Variants in WDR90 observed in about 807,000 individuals in gnomAD.
The protein encoded by WDR90 is WD repeat domain 90, also known as WD repeat-containing protein 90.
A neutral mutation model predicts 195.2 loss-of-function variants in WDR90; 238 were observed. The observed-to-expected ratio is 1.22, with a 90% CI of 1.10 to 1.36. The LOEUF (loss-of-function observed/expected upper bound fraction) is 1.36, where lower values mean the gene tolerates loss of function less well. Ranked by LOEUF, WDR90 falls within the 40% of genes most tolerant of loss-of-function variation. WDR90 has a pLI of 0.00. For synonymous variants in WDR90, 1,265 were observed against 1,052.4 expected, an observed-to-expected ratio of 1.20 and a Z score of -3.91; for missense variants, 2,734 against 2,439.5, an observed-to-expected ratio of 1.12 and a Z score of -2.54.
At chr16:664,073 G>A (rs771364568) in intron 34 of WDR90, among the ~76,000 whole-genome samples, 1 of 152,212 alleles carries the variant, frequency 6.6e-6, no homozygotes, top group African/African-American at 2.4e-5. Context: ...AGACAGGTGA[G>A]GGTTGTTTAC....
intron 28 of WDR90, 130 bp from the exon 29 acceptor site, chr16:660,921 C>G (rs921051736): frequency 4.3e-6 from 3 of 694,232 alleles, no homozygotes; most frequent in East Asian, 6.7e-5. Context: ...GCAGCTGGGA[C>G]GATGCTAACC....
chr16:662,258 A>G lies in WDR90; in HGVS notation c.4072A>G (p.Ser1358Gly), dbSNP rs755067698. The G allele has an allele frequency of 1.8e-5, 28 of 1,585,204 alleles. No homozygotes were observed. Among genetic ancestry groups the G allele is most frequent in the African/African-American group, 2.7e-5 (2 of 74,504 alleles). ...CTCGGGTTCTCGATTGGTCAGCGGC[A>G]GCAGCACGGGGCGGCTGCGCCTGTG... ...LFSGSRLVSG[S>G]STGRLRLWAV... Residue 1358 changes from serine (S) to glycine (G), a missense_variant, in exon 33 of 41, where the codon AGC becomes GGC. Transcript: ENST00000293879.
At chr16:660,229 A>C (rs2037867006) in intron 27 of WDR90, 68 bp downstream of exon 27, 11 of 1,373,542 alleles carry the variant, frequency 8.0e-6, no homozygotes, top group Non-Finnish European at 1.1e-5. Context: ...AGGGCTCCCC[A>C]GCACCTCCTC....
Position 661,920 on chromosome 16 carries a change from G to C in WDR90, c.3894G>C (p.Val1298=). The C allele has an allele frequency of 6.2e-7, 1 of 1,609,758 alleles. No homozygotes were observed. Among genetic ancestry groups the C allele is most frequent in the Non-Finnish European group, 8.5e-7 (1 of 1,179,560 alleles). The change falls in exon 32 of 41, where the codon GTG becomes GTC. Residue 1298 remains valine, a synonymous_variant. Coordinates refer to ENST00000293879, the MANE Select transcript of WDR90 (RefSeq NM_145294.5). ...GTCGAGAGCCAGTCCCAGAGGCAGT[G>C]GGGGCTGGAGAGCTGACCTCGCTCT... is the stretch of plus-strand genomic sequence containing the variant. ...QVRREPVPEA[V]GAGELTSLCY...
chr16:662,143 C>G, intron 32 of WDR90, 77 bp from the exon 33 acceptor site: 2 of 1,538,632 alleles, frequency 1.3e-6, no homozygotes, highest in Non-Finnish European at 1.7e-6. Context: ...ATCTGTAGCC[C>G]TGGCGTCCGG....
At chr16:653,275 A>T (rs970709377) in intron 10 of WDR90, 66 bp from the exon 11 acceptor site, 43 of 1,346,728 alleles carry the variant, frequency 3.2e-5, no homozygotes, top group Non-Finnish European at 3.9e-5. Context: ...GGTGAGGCTG[A>T]CCTCCCGGCA....
chr16:667,249 G>A (rs530603210), intron 40 of WDR90, among the ~76,000 whole-genome samples, 183 bp from the exon 41 acceptor site: 5 of 152,206 alleles, frequency 3.3e-5, no homozygotes, highest in Non-Finnish European at 7.3e-5. Context: ...GCTGCAGGCC[G>A]ACAGCCTGGC....
Position 665,689 on chromosome 16 carries a change from T to C in WDR90, c.4322T>C (p.Val1441Ala). 3 of 1,612,606 alleles carry C rather than the reference T, an allele frequency of 1.9e-6. No individual in the cohort carries two copies. Among genetic ancestry groups the C allele is most frequent in the Non-Finnish European group, 2.5e-6 (3 of 1,179,874 alleles). The change falls in exon 35 of 41, where the codon GTG (valine) becomes GCG (alanine). Residue 1441 changes from valine (V) to alanine (A), a missense_variant. Transcript: ENST00000293879. The stretch of plus-strand genomic sequence containing the variant: ...TACGGCTTCCCCCAGGTGAACGAGG[T>C]GGTCTTCAGCCCCGGGGAGTCCCAC... ...ISGHRSKVNE[V>A]VFSPGESHCA...
At chr16:660,582 C>G (rs1226573416) in intron 27 of WDR90, 30 bp from the exon 28 acceptor site, 1 of 1,550,642 alleles carries the variant, frequency 6.4e-7, no homozygotes, top group South Asian at 1.2e-5. Context: ...ATGCTGGGCC[C>G]CAGCAGCATC....
intron 13 of WDR90, 93 bp from the exon 14 acceptor site, chr16:654,936 A>G (rs2037717268): frequency 1.6e-6 from 2 of 1,282,738 alleles, no homozygotes; most frequent in Admixed American, 1.9e-5. Context: ...CATGAGAGAA[A>G]AGCCACCTCC....
At position 667,231 on chromosome 16, in the gene WDR90, C is replaced by A. The variant is rs111924337; in HGVS notation, c.5090-201C>A. Among the ~76,000 whole-genome samples the A allele has an allele frequency of 3.3e-3, 508 of 152,330 alleles. 6 individuals are homozygous for A. Among genetic ancestry groups the A allele is most frequent in the African/African-American group, 0.012 (484 of 41,558 alleles). On this transcript the variant is annotated intron_variant, in intron 40 of 40. Transcript: ENST00000293879. ...GTGGCAGCGACTTTTAAGGAGGGAA[C>A]TGGCCCAGCTGCAGGCCGACAGCCT...
Position 651,825 on chromosome 16 carries a change from A to G in WDR90, c.841-2A>G. On this transcript the variant is annotated splice_acceptor_variant, in intron 8 of 40. Transcript: ENST00000293879. LOFTEE classifies it high-confidence loss of function. ...CGCTGATGGGCACTTGTCCCCCAGC[A>G]GTCCGGCCGGGCCGCCTTGGCACCC... The G allele has an allele frequency of 6.2e-7, 1 of 1,610,676 alleles. No individual in the cohort carries two copies. The highest frequency in any genetic ancestry group is 8.5e-7 in the Non-Finnish European group (1 of 1,179,544).
In WDR90 at chr16:658,600, G is replaced by C. The variant is rs572223867; in HGVS notation, c.2842G>C (p.Gly948Arg). Residue 948 changes from glycine (G) to arginine (R), a missense_variant, in exon 23 of 41, where the codon GGC becomes CGC. Transcript: ENST00000293879. ...CGCCCGCTTCCTGCTGATTGCCGCC[G>C]GCCGGACCATCAAGGTGTGGGACTA... ...EDARFLLIAA[G>R]RTIKVWDYAT... The C allele has an allele frequency of 6.2e-7, 1 of 1,612,668 alleles. No homozygotes were observed. Among genetic ancestry groups the C allele is most frequent in the Non-Finnish European group, 8.5e-7 (1 of 1,179,898 alleles).
Position 666,576 on chromosome 16 carries a change from T to A in WDR90, c.4862T>A (p.Phe1621Tyr). The change falls in exon 38 of 41, where the codon TTC becomes TAC. Residue 1621 changes from phenylalanine (F) to tyrosine (Y), a missense_variant. Transcript: ENST00000293879. Reference sequence around the variant, plus strand: ...TGTGAGCTTGTGGACTGGTTGAGTTTCCCAATGCCTGCCACCACGGAGGTA... The same window carrying A: ...TGTGAGCTTGTGGACTGGTTGAGTTACCCAATGCCTGCCACCACGGAGGTA... ...NHCELVDWLS[F>Y]PMPATTETQG... The A allele has an allele frequency of 6.2e-7, 1 of 1,612,636 alleles. No homozygotes were observed. The highest frequency in any genetic ancestry group is 2.2e-5 in the East Asian group (1 of 44,874).
In WDR90 at chr16:655,477, C is replaced by A; in HGVS notation, c.1718+9C>A. On this transcript the variant is annotated intron_variant, in intron 15 of 40. Coordinates refer to ENST00000293879, the MANE Select transcript of WDR90 (RefSeq NM_145294.5). ...CCCTCGGCTGCCATGCTGTGAGTCC[C>A]TGCCCTTCCCCACGGCCTGCCCCGG... 6.5e-7 allele frequency: 1 copy of A among 1,528,200 alleles called. No homozygotes were observed. The highest frequency in any genetic ancestry group is 8.8e-7 in the Non-Finnish European group (1 of 1,137,876). 94.7% of individuals were successfully genotyped at this position (1,528,200 alleles called of 1,614,324 possible).
intron 7 of WDR90, 36 bp from the exon 8 acceptor site, chr16:651,608 G>T: frequency 6.3e-7 from 1 of 1,599,304 alleles, no homozygotes; most frequent in Non-Finnish European, 8.5e-7. Flanking sequence ...TGCACAGCTG[G>T]CCCCTGGGTC....
In WDR90 at chr16:653,672, T is replaced by G. The variant is rs1454010061; in HGVS notation, c.1379+2T>G. ...AATGCACGTTGTCTGCTCTCTCAGG[T>G]GAGCACAGGTCTGCCCCATGCAGGG... On this transcript the variant is annotated splice_donor_variant, in intron 12 of 40. Coordinates refer to ENST00000293879, the MANE Select transcript of WDR90 (RefSeq NM_145294.5). LOFTEE classifies it high-confidence loss of function. 6.2e-7 allele frequency: 1 copy of G among 1,613,376 alleles called. No individual in the cohort carries two copies. The highest frequency in any genetic ancestry group is 1.7e-5 in the Admixed American group (1 of 60,026).
rs776317224 is a variant in WDR90, at chr16:650,610, GT to G, written c.461del (p.Val154AlafsTer3). 1 of 1,612,780 alleles carries G rather than the reference GT, an allele frequency of 6.2e-7. No individual in the cohort carries two copies. The highest frequency in any genetic ancestry group is 2.2e-5 in the East Asian group (1 of 44,876). ...GCTCGATCTGCAGGACGTTCTCCTGGTCTACCTGAACCGGTGCTACGGCCAT... is the reference window on the plus strand; with the variant it reads ...GCTCGATCTGCAGGACGTTCTCCTGGCTACCTGAACCGGTGCTACGGCCAT... ...LQLDLQDVLL[V>X]YLNRCYGHLK... is the part of the protein sequence containing the mutation. On this transcript the variant is annotated frameshift_variant, in exon 5 of 41. Transcript: ENST00000293879. LOFTEE classifies it high-confidence loss of function.
At position 650,707 on chromosome 16, in the gene WDR90, C is replaced by G; in HGVS notation, c.557C>G (p.Pro186Arg). ...TACACCAGTGACCTGTGCTTTGAGC[C>G]TGGTGAGGGCCGCACCTGCACTCCC... The part of the protein sequence containing the change: ...NLYTSDLCFE[P>R]AISGAQWAKL... The change falls in exon 5 of 41, where the codon CCT (proline) becomes CGT (arginine). Residue 186 changes from proline (P) to arginine (R), a missense_variant and splice_region_variant. Coordinates refer to ENST00000293879, the MANE Select transcript of WDR90 (RefSeq NM_145294.5). 6.2e-7 allele frequency: 1 copy of G among 1,605,412 alleles called. No individual in the cohort carries two copies. Among genetic ancestry groups the G allele is most frequent in the East Asian group, 2.2e-5 (1 of 44,562 alleles).
Sources: gnomAD v4.1 joint callset for allele counts (sites outside exome capture counted in the v4.1 genomes callset) on GRCh38, gnomAD v4.1.1 for gene constraint, MANE v1.5 for transcripts, NCBI Gene and HGNC (gene_info 2026-07-23, HGNC 2026-07-21) for gene names.